ELAVL4: variants seen among roughly 807,000 people sequenced by gnomAD.
ELAVL4 encodes ELAV-like protein 4.
In ELAVL4, 1 loss-of-function variant was observed where a neutral mutation model predicts 35.6. The ratio of observed to expected loss-of-function variants is 0.03; its 90% confidence interval spans 0.01 to 0.13. ELAVL4 has a LOEUF of 0.13. ELAVL4 is among the 10% of genes least tolerant of loss of function. The pLI is 1.00. For synonymous variants in ELAVL4, 156 were observed against 171.0 expected (o/e 0.91, Z 0.69); for missense variants, 267 against 464.9 (o/e 0.57, Z 3.91).
chr1:50,187,667 C>G (rs1682034094), intron 3 of ELAVL4, among the ~76,000 whole-genome samples: 1 of 152,188 alleles, frequency 6.6e-6, no homozygotes, highest in South Asian at 2.1e-4. Flanking sequence ...TAACTAGCAC[C>G]TATCAATGAG....
chr1:50,193,793 C>T lies in ELAVL4; in HGVS notation c.383C>T (p.Ser128Leu), dbSNP rs758122922. The stretch of plus-strand genomic sequence containing the variant: ...TCATATGCCCGTCCGAGCTCTGCCT[C>T]AATCAGGGATGCTAACCTCTATGTT... The part of the protein sequence containing the change: ...KVSYARPSSA[S>L]IRDANLYVSG... The change falls in exon 4 of 7, where the codon TCA becomes TTA. Residue 128 changes from serine to leucine, a missense_variant. By Grantham distance (145) the Ser-to-Leu change is moderately radical (BLOSUM62 -2). Around this residue, in one of 2 missense-constraint regions of ELAVL4, gnomAD observed 216 missense variants for 409.5 expected, o/e 0.53. Coordinates refer to ENST00000371824, the MANE Select transcript of ELAVL4 (RefSeq NM_001144774.3). The T allele has an allele frequency of 1.2e-6, 2 of 1,613,958 alleles. No homozygotes were observed. Among genetic ancestry groups the T allele is most frequent in the East Asian group, 2.2e-5 (1 of 44,866 alleles).
intron 1 of ELAVL4, among the ~76,000 whole-genome samples, chr1:50,113,920 C>T (rs1191653557): frequency 6.6e-6 from 1 of 152,088 alleles, no homozygotes; most frequent in African/African-American, 2.4e-5. Context: ...TGTATACACA[C>T]TTACTTGCAA....
intron 1 of ELAVL4, among the ~76,000 whole-genome samples, chr1:50,056,929 C>CAA (rs35088767): frequency 1.9e-3 from 243 of 130,010 alleles, no homozygotes; most frequent in Middle Eastern, 0.012. Context: ...AAGACTGTAT[C>CAA]AAAAAAAAAA....
upstream of ELAVL4, among the ~76,000 whole-genome samples, chr1:50,100,150 A>G (rs1159319479): frequency 6.6e-6 from 1 of 152,192 alleles, no homozygotes; most frequent in East Asian, 1.9e-4. Context: ...TAAATTATGT[A>G]ATCTCTAGTT....
At chr1:50,057,206 A>T (rs1663722697) in intron 1 of ELAVL4, among the ~76,000 whole-genome samples, 1 of 151,936 alleles carries the variant, frequency 6.6e-6, no homozygotes, top group South Asian at 2.1e-4. Context: ...AAAAAAAAAA[A>T]TAATAGAAAA....
chr1:50,066,645 T>TA (rs760814529), intron 1 of ELAVL4, among the ~76,000 whole-genome samples: 16 of 152,166 alleles, frequency 1.1e-4, no homozygotes, highest in Non-Finnish European at 1.0e-4. Flanking sequence ...ACTATGAAGA[T>TA]AAAAAATACA....
intron 2 of ELAVL4, among the ~76,000 whole-genome samples, chr1:50,157,562 A>G (rs957906639): frequency 2.0e-5 from 3 of 152,228 alleles, no homozygotes; most frequent in Non-Finnish European, 2.9e-5. Context: ...AAGCTGATCA[A>G]ATTACAATGC....
At chr1:50,167,334 G>A (rs1297437131) in intron 2 of ELAVL4, among the ~76,000 whole-genome samples, 1 of 152,162 alleles carries the variant, frequency 6.6e-6, no homozygotes, top group Admixed American at 6.5e-5. Context: ...TTGGTCAGAG[G>A]CAATGTTGTG....
chr1:50,133,623 G>GAA lies in ELAVL4; in HGVS notation c.10-11332_10-11331dup, dbSNP rs1211601034. On this transcript the variant is annotated intron_variant, in intron 1 of 6. Transcript: ENST00000371824. ...GAAAAGAAAGAAAGAAAGAAAGAAA[G>GAA]AAAGAAAGAAAGAAAGAAAGAAAGA... Among the ~76,000 whole-genome samples, 4 of 148,266 alleles carry GAA rather than the reference G, an allele frequency of 2.7e-5. No homozygotes were observed. The South Asian group carries it at 8.6e-4, about 32-fold the overall frequency.
intron 1 of ELAVL4, among the ~76,000 whole-genome samples, chr1:50,072,324 A>T (rs1241810490): frequency 6.6e-6 from 1 of 152,176 alleles, no homozygotes; most frequent in Non-Finnish European, 1.5e-5. Flanking sequence ...GTGGCCAAAA[A>T]CTAGGAGCAA....
intron 1 of ELAVL4, among the ~76,000 whole-genome samples, chr1:50,118,230 C>T (rs1380297816): frequency 6.6e-6 from 1 of 152,010 alleles, no homozygotes; most frequent in Non-Finnish European, 1.5e-5. Flanking sequence ...TTCACTGTAT[C>T]AGCTGTTTTC....
intron 1 of ELAVL4, among the ~76,000 whole-genome samples, chr1:50,120,996 T>C (rs1325709753): frequency 6.6e-6 from 1 of 152,102 alleles, no homozygotes; most frequent in Non-Finnish European, 1.5e-5. Context: ...TGGTCATCTG[T>C]TAGCCCTGGA....
At chr1:50,125,127 T>G (rs1286320578) in intron 1 of ELAVL4, among the ~76,000 whole-genome samples, 2 of 151,884 alleles carry the variant, frequency 1.3e-5, no homozygotes, top group African/African-American at 4.8e-5. Context: ...TAGTCCTAGC[T>G]ACCCAGGAGG....
chr1:50,089,784 A>T (rs561245915), intron 1 of ELAVL4, among the ~76,000 whole-genome samples: 1 of 152,176 alleles, frequency 6.6e-6, no homozygotes, highest in South Asian at 2.1e-4. Flanking sequence ...ACAAAAAACC[A>T]TCTTTCTAAC....
chr1:50,119,041 A>AAAGAAAGG, intron 1 of ELAVL4, among the ~76,000 whole-genome samples: 1 of 49,020 alleles, frequency 2.0e-5, no homozygotes, highest in East Asian at 7.1e-4. Flanking sequence ...AAAGAAAAAG[A>AAAGAAAGG]AAGAAAGAAA....
intron 3 of ELAVL4, among the ~76,000 whole-genome samples, chr1:50,192,519 GCACA>G (rs5774068): frequency 0.1 from 14,659 of 140,338 alleles, 1,033 homozygotes; most frequent in East Asian, 0.31. Context: ...TTGTGTGCAC[GCACA>G]CACACACACA....
intron 1 of ELAVL4, among the ~76,000 whole-genome samples, chr1:50,118,128 T>C (rs1025416105): frequency 1.1e-4 from 17 of 152,168 alleles, no homozygotes; most frequent in African/African-American, 3.9e-4. Flanking sequence ...TTAATTGATA[T>C]GGTCCCATCT....
At chr1:50,079,119 G>A (rs1237679531) in intron 1 of ELAVL4, among the ~76,000 whole-genome samples, 1 of 152,072 alleles carries the variant, frequency 6.6e-6, no homozygotes, top group African/African-American at 2.4e-5. Context: ...TTTAGATGGG[G>A]TCTTGCTTTG....
rs570874721 is a variant in ELAVL4 at position 50,170,341 on chromosome 1, CT to C, written c.251-6747del. Reference sequence around the variant, plus strand: ...AAGACGCAAAGTAAGAATGTAAATTCTGGGGACAAAAAGAAATAGCATATAC... The same window carrying C: ...AAGACGCAAAGTAAGAATGTAAATTCGGGGACAAAAAGAAATAGCATATAC... On this transcript the variant is annotated intron_variant, in intron 2 of 6. Transcript: ENST00000371824. Among the ~76,000 whole-genome samples the C allele has an allele frequency of 2.6e-5, 4 of 152,244 alleles. No homozygotes were observed. In the East Asian group the frequency reaches 7.7e-4, roughly 29 times the overall value.
Sources: allele counts gnomAD v4.1 joint callset (sites outside exome capture counted in the v4.1 genomes callset), GRCh38; gene constraint gnomAD v4.1.1; regional missense constraint gnomAD v4.1.1; transcripts MANE v1.5; gene names NCBI Gene and HGNC (gene_info 2026-07-23, HGNC 2026-07-21).